The following TRPC6 variants were observed in gnomAD, a reference collection of about 807,000 sequenced individuals.
TRPC6 encodes the protein transient receptor potential cation channel subfamily C member 6, also known as short transient receptor potential channel 6.
TRPC6 carries 55 observed loss-of-function variants against 90.7 expected under a neutral mutation model. The ratio of observed to expected loss-of-function variants is 0.61; its 90% CI spans 0.49 to 0.76. TRPC6 has a LOEUF of 0.76. Among genes scored for constraint, TRPC6 ranks in the 30% least tolerant of loss-of-function variants. TRPC6 has a pLI of 0.00. For synonymous variants in TRPC6, 393 were observed against 393.0 expected (o/e 1.00, Z 0.00); for missense variants, 989 against 1,122.7 (o/e 0.88, Z 1.70).
Position 101,488,943 on chromosome 11 carries a change from G to T in TRPC6, c.1287C>A (p.Cys429Ter), listed in dbSNP as rs1859738811. 6.2e-7 allele frequency: 1 copy of T among 1,613,972 alleles called. No individual in the cohort carries two copies. Among genetic ancestry groups the T allele is most frequent in the Admixed American group, 1.7e-5 (1 of 59,992 alleles). ...CCAGGCTTCACATACATACCTTGCT[G>T]CATGGAGCAAACCAGTAAATGAGAG... ...FLALIYWFAP[C>*]SKMGKIMRGP... The change falls in exon 4 of 13, where the codon TGC becomes TGA. Residue 429 changes from cysteine (C) to a stop codon, truncating the protein, a stop_gained. Coordinates refer to ENST00000344327, the MANE Select transcript of TRPC6 (RefSeq NM_004621.6). LOFTEE classifies it high-confidence loss of function.
chr11:101,537,795 C>A (rs551425462), intron 1 of TRPC6, among the ~76,000 whole-genome samples: 1 of 151,984 alleles, frequency 6.6e-6, no homozygotes, highest in South Asian at 2.1e-4. Flanking sequence ...ATTTACATTT[C>A]TTTGCCTTAT....
At chr11:101,465,310 T>C (rs1465778690) in intron 10 of TRPC6, among the ~76,000 whole-genome samples, 1 of 152,160 alleles carries the variant, frequency 6.6e-6, no homozygotes, top group African/African-American at 2.4e-5. Context: ...GGTCTTTGTA[T>C]TTCCTGAATT....
At chr11:101,545,102 A>G (rs1258832522) in intron 1 of TRPC6, among the ~76,000 whole-genome samples, 3 of 152,166 alleles carry the variant, frequency 2.0e-5, no homozygotes, top group African/African-American at 7.2e-5. Context: ...GTCTTTATAC[A>G]CACACACATA....
chr11:101,455,437 G>A (rs945256742), intron 10 of TRPC6: 1 of 244,712 alleles, frequency 4.1e-6, no homozygotes, highest in African/African-American at 2.3e-5. Context: ...TAATGGTGGT[G>A]ATCTCAGAAG....
Position 101,483,058 on chromosome 11 carries a change from G to A in TRPC6, c.1401C>T (p.Gly467=). The A allele has an allele frequency of 6.2e-7, 1 of 1,614,048 alleles. No individual in the cohort carries two copies. The change falls in exon 5 of 13, where the codon GGC becomes GGT. Residue 467 remains glycine, a synonymous_variant. Coordinates refer to ENST00000344327, the MANE Select transcript of TRPC6 (RefSeq NM_004621.6). The stretch of plus-strand genomic sequence containing the variant: ...TGGTTTCATTAGGAAGGAGTTTTGT[G>A]CCTTCAAATCTGTCAGCTGCATTCA... The part of the protein sequence containing the change: ...LVMNAADRFE[G]TKLLPNETST...
intron 1 of TRPC6, among the ~76,000 whole-genome samples, chr11:101,529,236 G>C (rs781315487): frequency 2.0e-5 from 3 of 152,166 alleles, no homozygotes; most frequent in Admixed American, 2.0e-4. Context: ...ATCTGCTCCT[G>C]AGGATGGGAG....
At chr11:101,575,430 C>A (rs1654432090) in intron 1 of TRPC6, among the ~76,000 whole-genome samples, 1 of 152,160 alleles carries the variant, frequency 6.6e-6, no homozygotes, top group African/African-American at 2.4e-5. Flanking sequence ...TTTGTGCCAA[C>A]TGCTAGCTGT....
intron 10 of TRPC6, among the ~76,000 whole-genome samples, chr11:101,464,619 T>C (rs1859098248): frequency 6.6e-6 from 1 of 152,174 alleles, no homozygotes; most frequent in Admixed American, 6.5e-5. Flanking sequence ...CACCTGCTTT[T>C]TTTTTCTTGC....
At chr11:101,480,183 T>G (rs1336309019) in intron 5 of TRPC6, among the ~76,000 whole-genome samples, 1 of 151,938 alleles carries the variant, frequency 6.6e-6, no homozygotes, top group African/African-American at 2.4e-5. Flanking sequence ...CGTCTCAAAA[T>G]AAATAAAATA....
At chr11:101,499,538 C>A (rs1308696809) in intron 2 of TRPC6, among the ~76,000 whole-genome samples, 1 of 145,740 alleles carries the variant, frequency 6.9e-6, no homozygotes, top group East Asian at 2.0e-4. Flanking sequence ...GGCTGCCATA[C>A]CAACTAATTT....
intron 6 of TRPC6, among the ~76,000 whole-genome samples, chr11:101,474,818 C>G (rs983260081): frequency 6.6e-6 from 1 of 152,198 alleles, no homozygotes. Context: ...ATAACTGGAC[C>G]AATTTCCATC....
intron 1 of TRPC6, among the ~76,000 whole-genome samples, chr11:101,575,398 C>T (rs1012190286): frequency 9.9e-5 from 15 of 152,166 alleles, no homozygotes; most frequent in African/African-American, 3.6e-4. Flanking sequence ...AAATCCTTTG[C>T]TCTTCCCTTT....
At chr11:101,495,679 T>C (rs1859927934) in intron 2 of TRPC6, among the ~76,000 whole-genome samples, 1 of 150,606 alleles carries the variant, frequency 6.6e-6, no homozygotes, top group Non-Finnish European at 1.5e-5. Context: ...CTCTTTGCAG[T>C]CCCCATCACA....
intron 1 of TRPC6, among the ~76,000 whole-genome samples, chr11:101,554,956 C>A (rs974275253): frequency 6.6e-6 from 1 of 152,110 alleles, no homozygotes; most frequent in Non-Finnish European, 1.5e-5. Flanking sequence ...TTAAAACAGG[C>A]CACAAAGATG....
intron 10 of TRPC6, among the ~76,000 whole-genome samples, chr11:101,466,907 C>T (rs1245027326): frequency 6.6e-6 from 1 of 152,214 alleles, no homozygotes; most frequent in Non-Finnish European, 1.5e-5. Context: ...ATGGGAAAAG[C>T]ACAGTATCTG....
At chr11:101,473,962 T>G (rs1327924846) in intron 6 of TRPC6, among the ~76,000 whole-genome samples, 189 bp from the exon 7 acceptor site, 1 of 152,200 alleles carries the variant, frequency 6.6e-6, no homozygotes, top group Non-Finnish European at 1.5e-5. Context: ...ATGACTCTCC[T>G]GGTTTACTAG....
chr11:101,565,577 T>C (rs77793667), intron 1 of TRPC6, among the ~76,000 whole-genome samples: 1 of 152,068 alleles, frequency 6.6e-6, no homozygotes, highest in African/African-American at 2.4e-5. Context: ...GGAATTTTTT[T>C]AATATACTTT....
intron 2 of TRPC6, among the ~76,000 whole-genome samples, chr11:101,499,040 A>C (rs1273921672): frequency 6.6e-6 from 1 of 152,160 alleles, no homozygotes; most frequent in African/African-American, 2.4e-5. Flanking sequence ...GACAGAAACA[A>C]GGGCCATTTT....
chr11:101,582,805 C>T (rs548632540), intron 1 of TRPC6, among the ~76,000 whole-genome samples: 5 of 152,064 alleles, frequency 3.3e-5, no homozygotes, highest in Non-Finnish European at 7.4e-5. Context: ...TTTGGCTGTC[C>T]CACGGTCCAA....
Sources: allele counts gnomAD v4.1 joint callset (sites outside exome capture counted in the v4.1 genomes callset), GRCh38; gene constraint gnomAD v4.1.1; transcripts MANE v1.5; gene names NCBI Gene and HGNC (gene_info 2026-07-23, HGNC 2026-07-21).